CTTNBP2: variants seen among roughly 807,000 people sequenced by gnomAD.
The protein encoded by CTTNBP2 is cortactin-binding protein 2.
A neutral mutation model predicts 156.9 loss-of-function variants in CTTNBP2; 108 were observed. The ratio of observed to expected loss-of-function variants is 0.69; its 90% CI spans 0.59 to 0.81. The LOEUF is 0.81. CTTNBP2 is among the 30% of genes least tolerant of loss of function. The pLI is 0.00. For missense variants in CTTNBP2, 1,924 were observed against 2,035.4 expected, an observed-to-expected ratio of 0.95 and a Z score of 1.05; for synonymous variants, 767 against 751.8, an observed-to-expected ratio of 1.02 and a Z score of -0.33.
At chr7:117,861,600 T>C (rs1241197502) in intron 1 of CTTNBP2, among the ~76,000 whole-genome samples, 1 of 152,028 alleles carries the variant, frequency 6.6e-6, no homozygotes, top group East Asian at 1.9e-4. Flanking sequence ...AAATTTAAAG[T>C]CCCTGGAGTC....
At position 117,838,738 on chromosome 7, in the gene CTTNBP2, T is replaced by C. The variant is rs115392827; in HGVS notation, c.189+22471A>G. Among the ~76,000 whole-genome samples the C allele has an allele frequency of 1.4e-3, 209 of 152,148 alleles. 1 individual carries two copies. The highest frequency in any genetic ancestry group is 4.8e-3 in the African/African-American group (198 of 41,502). On this transcript the variant is annotated intron_variant, in intron 2 of 22. Transcript: ENST00000160373. ...ACCTTTGATTTTGCCTTTACAAAAA[T>C]GTTAACACAAATAGTGGCATATAAA...
At chr7:117,842,367 A>T (rs1802329489) in intron 2 of CTTNBP2, among the ~76,000 whole-genome samples, 1 of 151,926 alleles carries the variant, frequency 6.6e-6, no homozygotes, top group African/African-American at 2.4e-5. Context: ...CATCTGGCTA[A>T]TTTTTTTGTA....
chr7:117,817,870 G>A (rs979657479), intron 2 of CTTNBP2, among the ~76,000 whole-genome samples: 1 of 152,074 alleles, frequency 6.6e-6, no homozygotes, highest in East Asian at 1.9e-4. Context: ...AGCAGACTGA[G>A]GCTTACAAAA....
intron 8 of CTTNBP2, among the ~76,000 whole-genome samples, chr7:117,768,497 C>T (rs751749785): frequency 3.3e-4 from 45 of 137,808 alleles, no homozygotes; most frequent in Non-Finnish European, 4.8e-4. Context: ...ACCTAGGAGG[C>T]GGAGGTTGCA....
At position 117,767,889 on chromosome 7, in the gene CTTNBP2, C is replaced by T. The variant is rs1462912550; in HGVS notation, c.2779-713G>A. On this transcript the variant is annotated intron_variant, in intron 8 of 22. Transcript: ENST00000160373. ...TGCAAAGTAAGAGACAATATATATA[C>T]ATAAATTTTCTAATAAATAAGCACA... Among the ~76,000 whole-genome samples the T allele has an allele frequency of 2.6e-5, 4 of 152,038 alleles. No individual in the cohort carries two copies. The East Asian group carries it at 5.8e-4, about 22-fold the overall frequency.
intron 2 of CTTNBP2, among the ~76,000 whole-genome samples, chr7:117,840,829 A>G (rs1176570227): frequency 6.6e-6 from 1 of 152,164 alleles, no homozygotes; most frequent in East Asian, 1.9e-4. Context: ...ATAGCCCAGC[A>G]TGGACTCTGA....
At chr7:117,726,401 A>G (rs1385691549) in intron 17 of CTTNBP2, among the ~76,000 whole-genome samples, 1 of 152,210 alleles carries the variant, frequency 6.6e-6, no homozygotes, top group Non-Finnish European at 1.5e-5. Flanking sequence ...GGGAACACAG[A>G]CAAAATTCTG....
intron 2 of CTTNBP2, among the ~76,000 whole-genome samples, chr7:117,857,270 C>T (rs985871249): frequency 2.6e-5 from 4 of 152,130 alleles, no homozygotes; most frequent in African/African-American, 9.7e-5. Context: ...ATTTTTCCAT[C>T]AATATTGCTC....
At chr7:117,805,738 T>TA (rs34740560) in intron 3 of CTTNBP2, among the ~76,000 whole-genome samples, 2,174 of 152,276 alleles carry the variant, frequency 0.014, 56 homozygotes, top group African/African-American at 0.047. Context: ...TACAGATTTT[T>TA]AAAAAAATTG....
intron 2 of CTTNBP2, among the ~76,000 whole-genome samples, chr7:117,856,620 A>AT (rs1416470891): frequency 1.1e-3 from 172 of 152,348 alleles, no homozygotes; most frequent in Non-Finnish European, 3.1e-4. Context: ...AGTCTAGATT[A>AT]TATAGTTACT....
At chr7:117,837,973 C>T (rs1360937725) in intron 2 of CTTNBP2, among the ~76,000 whole-genome samples, 1 of 152,134 alleles carries the variant, frequency 6.6e-6, no homozygotes, top group Non-Finnish European at 1.5e-5. Flanking sequence ...TTACACTAGC[C>T]TAGCTAAGCC....
chr7:117,729,670 CT>C (rs528368303), intron 16 of CTTNBP2, among the ~76,000 whole-genome samples: 6 of 149,224 alleles, frequency 4.0e-5, no homozygotes, highest in African/African-American at 4.9e-5. Flanking sequence ...AATTGCCTTC[CT>C]TTTTTTTTTC....
intron 2 of CTTNBP2, among the ~76,000 whole-genome samples, chr7:117,816,926 A>G (rs1288062192): frequency 6.6e-6 from 1 of 152,152 alleles, no homozygotes; most frequent in East Asian, 1.9e-4. Context: ...ATGGATCAGA[A>G]TTACTTGAGA....
chr7:117,858,228 G>A (rs200239672), intron 2 of CTTNBP2, among the ~76,000 whole-genome samples: 1 of 152,228 alleles, frequency 6.6e-6, no homozygotes, highest in East Asian at 1.9e-4. Context: ...AAATTAGCCG[G>A]GCATGGTGGC....
chr7:117,817,361 A>ATAAATAAATATATATATATAT (rs1298639361), intron 2 of CTTNBP2, among the ~76,000 whole-genome samples: 19 of 53,308 alleles, frequency 3.6e-4, no homozygotes, highest in South Asian at 1.9e-3. Context: ...AAAAAAAAAA[A>ATAAATAAATATATATATATAT]ATATATATAT....
Position 117,756,631 on chromosome 7 carries a change from G to A in CTTNBP2, c.3272C>T (p.Pro1091Leu). 2 of 1,609,722 alleles carry A rather than the reference G, an allele frequency of 1.2e-6. No individual in the cohort carries two copies. The highest frequency in any genetic ancestry group is 4.5e-5 in the East Asian group (2 of 44,856). Residue 1091 changes from proline to leucine, a missense_variant, in exon 12 of 23, where the codon CCT (proline) becomes CTT (leucine). Pro to Leu is a moderately conservative substitution (Grantham distance 98). Coordinates refer to ENST00000160373, the MANE Select transcript of CTTNBP2 (RefSeq NM_033427.3). Reference protein sequence around the residue: ...AEHITVLLSGPQEGCLSSVTY... With the variant: ...AEHITVLLSGLQEGCLSSVTY... ...CACACTACTGAGACAGCCTTCTTGA[G>A]GACCTGTAGGAAAGGACAGACGAAG...
At chr7:117,796,362 G>A (rs569093054) in intron 3 of CTTNBP2, among the ~76,000 whole-genome samples, 4 of 152,142 alleles carry the variant, frequency 2.6e-5, no homozygotes, top group African/African-American at 7.2e-5. Context: ...TCAGCTCAGA[G>A]ACAAACTATG....
chr7:117,721,220 G>T, intron 19 of CTTNBP2, 90 bp from the exon 20 acceptor site: 2 of 818,226 alleles, frequency 2.4e-6, no homozygotes. Flanking sequence ...GGACTTTGCA[G>T]TACTTTCATA....
chr7:117,799,141 G>A (rs1052769874), intron 3 of CTTNBP2, among the ~76,000 whole-genome samples: 29 of 151,484 alleles, frequency 1.9e-4, no homozygotes, highest in Admixed American at 5.3e-4. Context: ...CACCCTTTCA[G>A]AAAATAGAAA....
Sources: gnomAD v4.1 joint callset for allele counts (sites outside exome capture counted in the v4.1 genomes callset) on GRCh38, gnomAD v4.1.1 for gene constraint, MANE v1.5 for transcripts, NCBI Gene and HGNC (gene_info 2026-07-23, HGNC 2026-07-21) for gene names.